MMP26: variants seen among roughly 807,000 people sequenced by gnomAD.
The protein encoded by MMP26 is matrix metalloproteinase-26.
Under a neutral mutation model 31.0 loss-of-function variants are expected in MMP26, and 33 were observed. The observed-to-expected ratio is 1.06, with a 90% CI of 0.81 to 1.42. MMP26 has a LOEUF of 1.42. Ranked by LOEUF, MMP26 falls within the 40% of genes most tolerant of loss-of-function variation. MMP26 has a pLI of 0.00. For synonymous variants in MMP26, 122 were observed against 114.9 expected, an observed-to-expected ratio of 1.06 and a Z score of -0.40; for missense variants, 347 against 316.1, an observed-to-expected ratio of 1.10 and a Z score of -0.74.
intron 2 of MMP26, among the ~76,000 whole-genome samples, chr11:4,888,918 G>C (rs992324445): frequency 1.3e-5 from 2 of 152,180 alleles, no homozygotes; most frequent in Non-Finnish European, 2.9e-5. Flanking sequence ...CTGGATTGGG[G>C]TGATATCCTT....
chr11:4,906,306 C>A (rs917590551), intron 2 of MMP26, among the ~76,000 whole-genome samples: 38 of 152,240 alleles, frequency 2.5e-4, no homozygotes, highest in African/African-American at 8.7e-4. Context: ...GGTTTATGAA[C>A]CTAGATCTCT....
At chr11:4,973,114 G>C (rs1330966778) in intron 2 of MMP26, 1 of 202,108 alleles carries the variant, frequency 4.9e-6, no homozygotes, top group Non-Finnish European at 1.1e-5. Context: ...CAGCTAGGGA[G>C]ATAATGGGCA....
chr11:4,819,074 T>C (rs1849458467), intron 2 of MMP26, among the ~76,000 whole-genome samples: 1 of 152,160 alleles, frequency 6.6e-6, no homozygotes, highest in Admixed American at 6.5e-5. Flanking sequence ...TTATGAAAGT[T>C]ATAGCCTTTA....
At chr11:4,807,266 G>T (rs1484319534) in intron 2 of MMP26, among the ~76,000 whole-genome samples, 1 of 152,028 alleles carries the variant, frequency 6.6e-6, no homozygotes, top group Non-Finnish European at 1.5e-5. Flanking sequence ...CTTCCATAAT[G>T]GTTGAACTAA....
chr11:4,857,330 A>T (rs1265766328), intron 2 of MMP26, among the ~76,000 whole-genome samples: 1 of 152,144 alleles, frequency 6.6e-6, no homozygotes, highest in African/African-American at 2.4e-5. Context: ...GACTGCTAGC[A>T]AGACTAATAA....
At chr11:4,786,047 G>A (rs905083171) in intron 2 of MMP26, among the ~76,000 whole-genome samples, 1 of 152,034 alleles carries the variant, frequency 6.6e-6, no homozygotes, top group Admixed American at 6.5e-5. Context: ...TGATGGACCT[G>A]GGGAAACTGA....
At chr11:4,709,226 TGTACATACA>T (rs1265562194) in intron 1 of MMP26, among the ~76,000 whole-genome samples, 1 of 152,174 alleles carries the variant, frequency 6.6e-6, no homozygotes, top group Non-Finnish European at 1.5e-5. Flanking sequence ...CATCTGCCCG[TGTACATACA>T]GTCATAGAAA....
chr11:4,910,469 A>T (rs1850973937), intron 2 of MMP26, among the ~76,000 whole-genome samples: 1 of 152,006 alleles, frequency 6.6e-6, no homozygotes, highest in Non-Finnish European at 1.5e-5. Flanking sequence ...GAGAGGGTGC[A>T]CTCTGCCTAC....
intron 2 of MMP26, among the ~76,000 whole-genome samples, chr11:4,977,489 A>G (rs544008583): frequency 6.6e-6 from 1 of 152,162 alleles, no homozygotes; most frequent in Admixed American, 6.5e-5. Flanking sequence ...TCCATTCAGA[A>G]GAAAGAAATT....
intron 1 of MMP26, among the ~76,000 whole-genome samples, chr11:4,715,020 A>T (rs1847909438): frequency 6.6e-6 from 1 of 151,518 alleles, no homozygotes; most frequent in African/African-American, 2.4e-5. Flanking sequence ...CACATATATA[A>T]TTTTAGGCAA....
chr11:4,852,306 T>C (rs1043531753), intron 2 of MMP26, among the ~76,000 whole-genome samples: 1 of 151,832 alleles, frequency 6.6e-6, no homozygotes, highest in Non-Finnish European at 1.5e-5. Flanking sequence ...TTGAAAAAAA[T>C]ACACAAGGAA....
At chr11:4,798,022 G>A (rs1439547887) in intron 2 of MMP26, among the ~76,000 whole-genome samples, 1 of 152,214 alleles carries the variant, frequency 6.6e-6, no homozygotes, top group African/African-American at 2.4e-5. Flanking sequence ...TTCACATGCT[G>A]AAATGCAGTG....
At chr11:4,903,070 A>G (rs1397607739) in intron 2 of MMP26, among the ~76,000 whole-genome samples, 1 of 152,072 alleles carries the variant, frequency 6.6e-6, no homozygotes, top group African/African-American at 2.4e-5. Flanking sequence ...ATACATTTTT[A>G]CTTAAATTGT....
chr11:4,862,567 T>C (rs1850177190), intron 2 of MMP26, among the ~76,000 whole-genome samples: 1 of 152,146 alleles, frequency 6.6e-6, no homozygotes, highest in Non-Finnish European at 1.5e-5. Context: ...TGAGAGGTCC[T>C]ATGGTGTCTT....
chr11:4,988,032 G>A (rs144950340), intron 2 of MMP26, 36 bp from the exon 3 acceptor site: 1 of 637,288 alleles, frequency 1.6e-6, no homozygotes, highest in African/African-American at 1.8e-5. Context: ...GGCTGCTTTT[G>A]TCACCCTTGC....
intron 1 of MMP26, among the ~76,000 whole-genome samples, chr11:4,734,199 T>C (rs114065081): frequency 6.6e-6 from 1 of 152,178 alleles, no homozygotes. Flanking sequence ...ATGTATTTAC[T>C]CTTCTATTTT....
At chr11:4,825,368 G>T (rs1397839104) in intron 2 of MMP26, among the ~76,000 whole-genome samples, 1 of 152,050 alleles carries the variant, frequency 6.6e-6, no homozygotes, top group East Asian at 1.9e-4. Flanking sequence ...AGCCTGCCTT[G>T]TAGCTCTGCC....
chr11:4,833,727 A>G (rs749643369), intron 2 of MMP26, among the ~76,000 whole-genome samples: 1 of 152,180 alleles, frequency 6.6e-6, no homozygotes, highest in African/African-American at 2.4e-5. Flanking sequence ...TGAAAGGGAA[A>G]CATAGAGACT....
chr11:4,768,999 T>C, intron 2 of MMP26: 3 of 1,504,736 alleles, frequency 2.0e-6, no homozygotes, highest in Non-Finnish European at 2.7e-6. Flanking sequence ...AGCAGCAGAC[T>C]GAGCATAGCC....
Sources: allele counts gnomAD v4.1 joint callset (sites outside exome capture counted in the v4.1 genomes callset), GRCh38; gene constraint gnomAD v4.1.1; transcripts MANE v1.5; gene names NCBI Gene and HGNC (gene_info 2026-07-23, HGNC 2026-07-21).